SRGAP3: variants seen among roughly 807,000 people sequenced by gnomAD.
SRGAP3 encodes the protein SLIT-ROBO Rho GTPase-activating protein 3.
Under a neutral mutation model 121.1 loss-of-function variants are expected in SRGAP3, and 39 were observed. The observed-to-expected ratio is 0.32, with a 90% confidence interval of 0.25 to 0.42. The LOEUF (loss-of-function observed/expected upper bound fraction) is 0.42. SRGAP3 is among the 10% of genes least tolerant of loss of function. The pLI is 1.00. For synonymous variants in SRGAP3, 601 were observed against 570.0 expected (o/e 1.05, Z -0.77); for missense variants, 1,213 against 1,470.6 (o/e 0.82, Z 2.86).
At chr3:8,996,036 C>T (rs1942381943) in intron 18 of SRGAP3, among the ~76,000 whole-genome samples, 2 of 152,198 alleles carry the variant, frequency 1.3e-5, no homozygotes, top group South Asian at 4.1e-4. Context: ...AAGCTCAGAA[C>T]ATTTGGCTTT....
upstream of SRGAP3, chr3:9,249,651 G>A (rs992112058): frequency 4.3e-5 from 10 of 234,122 alleles, no homozygotes; most frequent in Middle Eastern, 1.3e-3. Flanking sequence ...TGGACTGCTC[G>A]CCCTGCAGGG....
At chr3:9,062,238 GA>G (rs1052359980) in intron 5 of SRGAP3, among the ~76,000 whole-genome samples, 1 of 152,064 alleles carries the variant, frequency 6.6e-6, no homozygotes, top group Non-Finnish European at 1.5e-5. Flanking sequence ...CTATTTTATA[GA>G]TGAGGAAATG....
At chr3:8,987,026 A>G (rs1293522163) in intron 21 of SRGAP3, among the ~76,000 whole-genome samples, 2 of 152,250 alleles carry the variant, frequency 1.3e-5, no homozygotes, top group African/African-American at 4.8e-5. Context: ...ACTTTTGAGT[A>G]AAAAGAATCT....
At chr3:9,099,804 G>A (rs76905962) in intron 3 of SRGAP3, among the ~76,000 whole-genome samples, 1 of 152,190 alleles carries the variant, frequency 6.6e-6, no homozygotes, top group Non-Finnish European at 1.5e-5. Context: ...AAAGCCTCCA[G>A]GTGATCCTGA....
intron 18 of SRGAP3, among the ~76,000 whole-genome samples, chr3:9,003,550 C>G (rs341798): frequency 0.61 from 93,397 of 152,058 alleles, 29,847 homozygotes; most frequent in African/African-American, 0.8. Flanking sequence ...AAAGAACTAT[C>G]CTCCATGCAC....
intron 1 of SRGAP3, chr3:9,330,622 A>T (rs1313959347): frequency 1.3e-5 from 2 of 152,432 alleles, no homozygotes. Flanking sequence ...CTTCAGTCAA[A>T]TTAAATTTAA....
intron 1 of SRGAP3, among the ~76,000 whole-genome samples, chr3:9,174,854 C>A (rs1292107153): frequency 6.6e-6 from 1 of 152,164 alleles, no homozygotes; most frequent in Non-Finnish European, 1.5e-5. Flanking sequence ...CTGAGGGCAG[C>A]AGAAAGCAAG....
At chr3:9,173,427 G>A (rs750396233) in intron 1 of SRGAP3, among the ~76,000 whole-genome samples, 79 of 152,288 alleles carry the variant, frequency 5.2e-4, no homozygotes, top group South Asian at 1.7e-3. Context: ...AAAAGAAGGC[G>A]CAAACATAAA....
At chr3:9,061,546 A>C (rs1002633630) in intron 5 of SRGAP3, among the ~76,000 whole-genome samples, 1 of 152,154 alleles carries the variant, frequency 6.6e-6, no homozygotes, top group South Asian at 2.1e-4. Flanking sequence ...TTTCTTAATA[A>C]GCACTTCCAC....
chr3:9,047,501 T>G, intron 9 of SRGAP3, 26 bp from the exon 10 acceptor site: 1 of 1,610,898 alleles, frequency 6.2e-7, no homozygotes, highest in Non-Finnish European at 8.5e-7. Flanking sequence ...CACAAGGAAG[T>G]TATAGATTGC....
At chr3:9,348,497 G>A in intron 1 of SRGAP3, 3 of 736,318 alleles carry the variant, frequency 4.1e-6, no homozygotes, top group Non-Finnish European at 7.6e-6. Flanking sequence ...GTGGAATCCG[G>A]AGAACCGCTT....
chr3:9,209,851 A>G (rs1952386517), intron 1 of SRGAP3, among the ~76,000 whole-genome samples: 1 of 152,264 alleles, frequency 6.6e-6, no homozygotes, highest in South Asian at 2.1e-4. Context: ...AAATGTCCAC[A>G]GCAGCATTAT....
intron 3 of SRGAP3, among the ~76,000 whole-genome samples, chr3:9,268,281 A>G (rs1443398640): frequency 6.7e-6 from 1 of 150,240 alleles, no homozygotes; most frequent in African/African-American, 2.4e-5. Context: ...TTATAAGAAG[A>G]GACCAGAGAG....
chr3:9,162,812 T>C (rs1950641720), intron 1 of SRGAP3, among the ~76,000 whole-genome samples: 1 of 152,246 alleles, frequency 6.6e-6, no homozygotes, highest in South Asian at 2.1e-4. Context: ...TGGGAGTACT[T>C]ACCTTGTAGG....
At chr3:9,141,187 T>C (rs1328830687) in intron 1 of SRGAP3, among the ~76,000 whole-genome samples, 1 of 152,194 alleles carries the variant, frequency 6.6e-6, no homozygotes, top group Admixed American at 6.5e-5. Flanking sequence ...CATAGCTGTC[T>C]CCACTTTGAC....
intron 1 of SRGAP3, among the ~76,000 whole-genome samples, chr3:9,192,221 C>G (rs1448365379): frequency 6.6e-6 from 1 of 152,246 alleles, no homozygotes; most frequent in East Asian, 1.9e-4. Context: ...GAAATAACCT[C>G]TGAGCCCTTG....
chr3:9,030,106 T>C (rs1574940749), intron 12 of SRGAP3, among the ~76,000 whole-genome samples: 1 of 152,304 alleles, frequency 6.6e-6, no homozygotes, highest in East Asian at 1.9e-4. Context: ...GAGCCGTGAT[T>C]GTGCCACTGT....
chr3:9,097,425 G>T (rs1948030618), intron 3 of SRGAP3, among the ~76,000 whole-genome samples: 1 of 152,202 alleles, frequency 6.6e-6, no homozygotes, highest in African/African-American at 2.4e-5. Flanking sequence ...AACTGAGAGA[G>T]TTTAAGGGAT....
intron 2 of SRGAP3, among the ~76,000 whole-genome samples, chr3:9,114,853 G>A (rs1411311160): frequency 6.6e-6 from 1 of 152,168 alleles, no homozygotes; most frequent in African/African-American, 2.4e-5. Context: ...AATCTTCTAA[G>A]CACCCCACAC....
Sources: allele counts gnomAD v4.1 joint callset (sites outside exome capture counted in the v4.1 genomes callset), GRCh38; gene constraint gnomAD v4.1.1; transcripts MANE v1.5; gene names NCBI Gene and HGNC (gene_info 2026-07-23, HGNC 2026-07-21).